Variants in HUNK observed in about 807,000 individuals in gnomAD.
HUNK encodes hormonally up-regulated Neu-associated kinase, also known as hormonally up-regulated neu tumor-associated kinase.
Under a neutral mutation model 61.0 loss-of-function variants are expected in HUNK, and 21 were observed. That is an observed-to-expected ratio of 0.34 (90% CI 0.24 to 0.50). The LOEUF is 0.50. Ranked by LOEUF, HUNK falls within the 20% of genes least tolerant of loss-of-function variation. The pLI, the probability that HUNK is intolerant of heterozygous loss-of-function variation, is 0.98. For missense variants in HUNK, 772 were observed against 945.7 expected (o/e 0.82, Z 2.41); for synonymous variants, 371 against 386.1 (o/e 0.96, Z 0.46).
chr21:31,882,871 T>A (rs2052318891), intron 1 of HUNK, among the ~76,000 whole-genome samples: 1 of 152,216 alleles, frequency 6.6e-6, no homozygotes, highest in Non-Finnish European at 1.5e-5. Context: ...GCTTTTTCAC[T>A]TAGCAATATG....
chr21:31,963,381 C>T (rs973682679), intron 5 of HUNK, among the ~76,000 whole-genome samples: 1 of 152,196 alleles, frequency 6.6e-6, no homozygotes, highest in Middle Eastern at 3.2e-3. Flanking sequence ...GAGGTATTAT[C>T]TATTGTCTCT....
intron 10 of HUNK, 54 bp downstream of exon 10, chr21:31,996,002 C>A: frequency 2.2e-6 from 3 of 1,337,030 alleles, no homozygotes; most frequent in Admixed American, 2.1e-5. Context: ...TGTGTGTCCG[C>A]TGTGTAGCCC....
Position 31,996,174 on chromosome 21 carries a change from A to G in HUNK, c.1486+226A>G, listed in dbSNP as rs78415327. 0.017 allele frequency among the ~76,000 whole-genome samples: 2,626 copies of G among 152,350 alleles called. 30 individuals carry two copies. The highest frequency in any genetic ancestry group is 0.052 in the East Asian group (268 of 5,186). The stretch of plus-strand genomic sequence containing the variant: ...ATTTGAGAAAACAGAGATGGGGTGC[A>G]AAGTATTACGGAAACAGAAATTGGG... On this transcript the variant is annotated intron_variant, in intron 10 of 10. Coordinates refer to ENST00000270112, the MANE Select transcript of HUNK (RefSeq NM_014586.2).
intron 1 of HUNK, among the ~76,000 whole-genome samples, chr21:31,874,364 G>C (rs964689406): frequency 6.6e-6 from 1 of 151,588 alleles, no homozygotes; most frequent in African/African-American, 2.4e-5. Context: ...CTAACAGCCA[G>C]CCTCTGGGGG....
chr21:31,978,857 T>C (rs1438697533), intron 7 of HUNK, among the ~76,000 whole-genome samples: 1 of 152,188 alleles, frequency 6.6e-6, no homozygotes, highest in African/African-American at 2.4e-5. Context: ...AGAAGTGGAA[T>C]TGCTGGATCA....
chr21:31,917,992 T>C (rs1437916278), intron 1 of HUNK, among the ~76,000 whole-genome samples: 1 of 152,246 alleles, frequency 6.6e-6, no homozygotes, highest in Admixed American at 6.5e-5. Flanking sequence ...GATCCATTAT[T>C]GCATTAGGCT....
At chr21:31,944,237 G>A (rs1430030066) in intron 3 of HUNK, among the ~76,000 whole-genome samples, 2 of 152,160 alleles carry the variant, frequency 1.3e-5, no homozygotes, top group Non-Finnish European at 2.9e-5. Flanking sequence ...GCGCCTCCGC[G>A]CCTGGCTAAT....
chr21:31,882,562 A>G (rs536588240), intron 1 of HUNK, among the ~76,000 whole-genome samples: 28 of 152,230 alleles, frequency 1.8e-4, no homozygotes, highest in Non-Finnish European at 3.4e-4. Flanking sequence ...AATATTTTAC[A>G]TATTTATGGG....
At chr21:31,877,830 C>T (rs901764442) in intron 1 of HUNK, among the ~76,000 whole-genome samples, 2 of 152,148 alleles carry the variant, frequency 1.3e-5, no homozygotes, top group Non-Finnish European at 2.9e-5. Context: ...CTATGAGAGG[C>T]GTGGTCTCTG....
chr21:31,927,025 ATTTC>A (rs1452219238), intron 2 of HUNK, among the ~76,000 whole-genome samples: 2 of 92,722 alleles, frequency 2.2e-5, no homozygotes, highest in Non-Finnish European at 4.7e-5. Context: ...TTTCTTTCTT[ATTTC>A]TTTATTTCTT....
chr21:31,933,943 A>G (rs1218136861), intron 2 of HUNK, among the ~76,000 whole-genome samples: 1 of 151,896 alleles, frequency 6.6e-6, no homozygotes, highest in Non-Finnish European at 1.5e-5. Context: ...TGGGCATTCT[A>G]CTTCCCTCAC....
chr21:31,983,554 A>G lies in HUNK; in HGVS notation c.1202A>G (p.Tyr401Cys). The change falls in exon 8 of 11, where the codon TAC (tyrosine) becomes TGC (cysteine). Residue 401 changes from tyrosine (Y) to cysteine (C), a missense_variant. Coordinates refer to ENST00000270112, the MANE Select transcript of HUNK (RefSeq NM_014586.2). Reference protein sequence around the residue: ...GKSDIQDSLCYKTRLYQIEKY... With the variant: ...GKSDIQDSLCCKTRLYQIEKY... ...TCTGACATCCAGGACAGCCTCTGCT[A>G]CAAGACCCGGCTCTACCAGATAGAA... is the stretch of plus-strand genomic sequence containing the variant. 6.2e-7 allele frequency: 1 copy of G among 1,613,928 alleles called. No homozygotes were observed. The highest frequency in any genetic ancestry group is 1.3e-5 in the African/African-American group (1 of 75,036).
chr21:31,972,385 G>A (rs1354587924), intron 6 of HUNK, among the ~76,000 whole-genome samples: 3 of 152,158 alleles, frequency 2.0e-5, no homozygotes, highest in Admixed American at 6.5e-5. Context: ...ATACTTGAAA[G>A]CATCAGGTTT....
intron 3 of HUNK, among the ~76,000 whole-genome samples, chr21:31,940,638 A>G (rs1222569485): frequency 6.6e-6 from 1 of 152,176 alleles, no homozygotes; most frequent in South Asian, 2.1e-4. Flanking sequence ...TGTTGGTACA[A>G]TGGGAGCTGT....
chr21:31,939,717 GTTT>G (rs369967151), intron 2 of HUNK, among the ~76,000 whole-genome samples: 40 of 130,472 alleles, frequency 3.1e-4, no homozygotes, highest in Non-Finnish European at 4.0e-4. Context: ...CTCATGTGTT[GTTT>G]TTTTTTTTTT....
At position 31,924,400 on chromosome 21, in the gene HUNK, G is replaced by T. The variant is rs1334800403; in HGVS notation, c.262-68G>T. 2.0e-6 allele frequency: 3 copies of T among 1,470,496 alleles called. No individual in the cohort carries two copies. The highest frequency in any genetic ancestry group is 1.8e-6 in the Non-Finnish European group (2 of 1,085,944). 91.1% of individuals were successfully genotyped at this position (1,470,496 alleles called of 1,614,324 possible). A position where few individuals can be genotyped will look rare whatever the true frequency, so the allele number is the denominator to read the frequency against. On this transcript the variant is annotated intron_variant, in intron 1 of 10. Transcript: ENST00000270112. This position sits in a 1 kb window ranked among gnomAD's most constrained non-coding sequence, Gnocchi z 5.1. ...TAGCTAGCATTTTTCTTGGGTTCCT[G>T]TGAGTAGCCAAGGCATCGCTATTGT... is the stretch of plus-strand genomic sequence containing the variant.
chr21:31,898,937 T>TA (rs1436417964), intron 1 of HUNK, among the ~76,000 whole-genome samples: 1 of 152,204 alleles, frequency 6.6e-6, no homozygotes, highest in Non-Finnish European at 1.5e-5. Flanking sequence ...TCTGTGAGCT[T>TA]ATTCTCTTTT....
At chr21:31,876,046 G>C (rs1051517693) in intron 1 of HUNK, among the ~76,000 whole-genome samples, 1 of 152,182 alleles carries the variant, frequency 6.6e-6, no homozygotes, top group Admixed American at 6.5e-5. Flanking sequence ...GCCCAAATAG[G>C]ATTCACATGA....
chr21:31,996,042 G>A (rs11702842), intron 10 of HUNK, 94 bp downstream of exon 10: 152,011 of 928,906 alleles, frequency 0.16, 13,650 homozygotes, highest in African/African-American at 0.25. Context: ...GGGCCCTAGA[G>A]CAGAGATGAT....
Sources: allele counts gnomAD v4.1 joint callset (sites outside exome capture counted in the v4.1 genomes callset), GRCh38; gene constraint gnomAD v4.1.1; non-coding constraint Gnocchi (gnomAD v3.1); transcripts MANE v1.5; gene names NCBI Gene and HGNC (gene_info 2026-07-23, HGNC 2026-07-21).